The following GPR158 variants were observed in gnomAD, a reference collection of about 807,000 sequenced individuals.
GPR158 encodes the protein G protein-coupled receptor 158.
Under a neutral mutation model 78.2 loss-of-function variants are expected in GPR158, and 30 were observed. That is an observed-to-expected ratio of 0.38 (90% CI 0.29 to 0.52). The LOEUF (loss-of-function observed/expected upper bound fraction) is 0.52, where lower values mean the gene tolerates loss of function less well. Among genes scored for constraint, GPR158 ranks in the 20% least tolerant of loss-of-function variants. GPR158 has a pLI of 0.83. For missense variants in GPR158, 1,463 were observed against 1,523.5 expected (o/e 0.96, Z 0.66); for synonymous variants, 581 against 591.1 (o/e 0.98, Z 0.25).
chr10:25,572,317 T>G (rs1255547225), intron 6 of GPR158, among the ~76,000 whole-genome samples: 1 of 152,212 alleles, frequency 6.6e-6, no homozygotes, highest in Non-Finnish European at 1.5e-5. Flanking sequence ...ATACTGTTTC[T>G]GAATTTTCTC....
intron 2 of GPR158, among the ~76,000 whole-genome samples, chr10:25,280,388 A>T (rs1404339232): frequency 6.6e-6 from 1 of 152,204 alleles, no homozygotes; most frequent in Non-Finnish European, 1.5e-5. Flanking sequence ...GAGTCACTAT[A>T]TAAGCAAAGG....
rs1834768972 is a variant in GPR158, at chr10:25,422,831, TAC to T, written c.1335+10360_1335+10361del. On this transcript the variant is annotated intron_variant, in intron 4 of 10. Transcript: ENST00000376351. ...TGAGCAGTGTACACTGTACCTAATG[TAC>T]AGTCTTTTATTCCCTTACCCCCCCC... is the stretch of plus-strand genomic sequence containing the variant. Among the ~76,000 whole-genome samples the T allele has an allele frequency of 3.4e-5, 5 of 147,952 alleles. No homozygotes were observed. The Admixed American group carries it at 3.5e-4, about 10-fold the overall frequency.
At chr10:25,444,859 A>G (rs1835119751) in intron 4 of GPR158, among the ~76,000 whole-genome samples, 1 of 152,154 alleles carries the variant, frequency 6.6e-6, no homozygotes, top group African/African-American at 2.4e-5. Context: ...CATGTGATGT[A>G]TGCTTCTGAT....
intron 4 of GPR158, among the ~76,000 whole-genome samples, chr10:25,435,219 A>G (rs920499943): frequency 1.3e-5 from 2 of 152,210 alleles, no homozygotes; most frequent in Non-Finnish European, 2.9e-5. Flanking sequence ...GGTAGAGTTC[A>G]TAATCTTGTA....
At position 25,575,346 on chromosome 10, in the gene GPR158, T is replaced by C. The variant is rs927287966; in HGVS notation, c.1753+2459T>C. On this transcript the variant is annotated intron_variant, in intron 7 of 10. Coordinates refer to ENST00000376351, the MANE Select transcript of GPR158 (RefSeq NM_020752.3). ...GATGTATTTTGGTTTTTTTGTTTTT[T>C]TAAGTGAAATGCACCAAACTCACCA... Among the ~76,000 whole-genome samples, 4 of 152,170 alleles carry C rather than the reference T, an allele frequency of 2.6e-5. No homozygotes were observed. The South Asian group carries it at 6.2e-4, about 24-fold the overall frequency.
At chr10:25,236,746 T>C (rs1161148036) in intron 2 of GPR158, among the ~76,000 whole-genome samples, 2 of 152,164 alleles carry the variant, frequency 1.3e-5, no homozygotes, top group African/African-American at 2.4e-5. Context: ...AGGCAGAAGA[T>C]TGTTTTCTCC....
intron 6 of GPR158, among the ~76,000 whole-genome samples, chr10:25,567,636 A>T (rs1053086018): frequency 6.6e-6 from 1 of 152,194 alleles, no homozygotes; most frequent in African/African-American, 2.4e-5. Context: ...TAGATAGAGG[A>T]TAACTGCATG....
At chr10:25,196,384 A>G (rs1852844649) in intron 1 of GPR158, among the ~76,000 whole-genome samples, 1 of 151,882 alleles carries the variant, frequency 6.6e-6, no homozygotes, top group African/African-American at 2.4e-5. Flanking sequence ...CTCTTTGAGG[A>G]TCTTAATTTA....
In GPR158 at chr10:25,591,749, T is replaced by C. The variant is rs531131592; in HGVS notation, c.1893-2543T>C. 3.9e-5 allele frequency among the ~76,000 whole-genome samples: 6 copies of C among 152,266 alleles called. No individual in the cohort carries two copies. The South Asian group carries it at 1.0e-3, about 26-fold the overall frequency. On this transcript the variant is annotated intron_variant, in intron 8 of 10. Transcript: ENST00000376351. ...TAAATTCCAAATTTGACCCACTATA[T>C]CTTTCTGCCTAGATTGGATCAGACT...
chr10:25,204,602 C>T (rs528466794), intron 1 of GPR158, among the ~76,000 whole-genome samples: 1 of 152,184 alleles, frequency 6.6e-6, no homozygotes, highest in South Asian at 2.1e-4. Flanking sequence ...AGGGTTGAAG[C>T]CCACTTGATC....
intron 2 of GPR158, among the ~76,000 whole-genome samples, chr10:25,238,725 T>C (rs1416895171): frequency 6.6e-6 from 1 of 152,210 alleles, no homozygotes; most frequent in Non-Finnish European, 1.5e-5. Flanking sequence ...AAATGGGATT[T>C]GTTTCCATGC....
At chr10:25,574,988 A>G (rs2130734337) in intron 7 of GPR158, among the ~76,000 whole-genome samples, 2 of 151,592 alleles carry the variant, frequency 1.3e-5, no homozygotes, top group African/African-American at 4.8e-5. Flanking sequence ...AATTGCTTGA[A>G]CCTGGAAGGT....
At chr10:25,502,052 C>T (rs935796311) in intron 5 of GPR158, among the ~76,000 whole-genome samples, 2 of 152,280 alleles carry the variant, frequency 1.3e-5, no homozygotes, top group East Asian at 1.9e-4. Flanking sequence ...CTCCTGGGTG[C>T]TGCTAGAAAA....
chr10:25,544,877 G>A (rs549605246), intron 5 of GPR158, among the ~76,000 whole-genome samples: 1 of 152,028 alleles, frequency 6.6e-6, no homozygotes, highest in Non-Finnish European at 1.5e-5. Flanking sequence ...CCCCTGACAG[G>A]CCCTGGTGTA....
chr10:25,430,621 G>A (rs937002492), intron 4 of GPR158, among the ~76,000 whole-genome samples: 2 of 150,940 alleles, frequency 1.3e-5, no homozygotes, highest in East Asian at 3.9e-4. Flanking sequence ...ATACTACAAG[G>A]CTACAGTAAC....
intron 5 of GPR158, among the ~76,000 whole-genome samples, chr10:25,541,527 G>A (rs1182532514): frequency 2.6e-5 from 4 of 151,394 alleles, no homozygotes; most frequent in South Asian, 4.2e-4. Flanking sequence ...TTAATGTTGT[G>A]CCTTTCACAT....
chr10:25,596,533 C>G, intron 9 of GPR158, 110 bp from the exon 10 acceptor site: 1 of 694,392 alleles, frequency 1.4e-6, no homozygotes, highest in Non-Finnish European at 2.5e-6. Flanking sequence ...ATAGATAGAT[C>G]TAGGTATAGA....
chr10:25,552,635 A>G (rs1012067303), intron 6 of GPR158, among the ~76,000 whole-genome samples: 4 of 152,196 alleles, frequency 2.6e-5, no homozygotes, highest in African/African-American at 9.6e-5. Context: ...TGACTGACCC[A>G]TGGGACATGT....
In GPR158 at chr10:25,395,996, C is replaced by G; in HGVS notation, c.1094C>G (p.Pro365Arg). Residue 365 changes from proline (P) to arginine (R), a missense_variant, in exon 3 of 11, where the codon CCA (proline) becomes CGA (arginine). Coordinates refer to ENST00000376351, the MANE Select transcript of GPR158 (RefSeq NM_020752.3). The part of the protein sequence containing the change: ...KAGFYHPGVL[P>R]VNNFRRRGPD... ...GGATTCTATCATCCTGGAGTCTTACCAGTGAACAACTTTCGGAGTAAGTGC... is the reference window on the plus strand; with the variant it reads ...GGATTCTATCATCCTGGAGTCTTACGAGTGAACAACTTTCGGAGTAAGTGC... 6.3e-7 allele frequency: 1 copy of G among 1,580,524 alleles called. No individual in the cohort carries two copies. The highest frequency in any genetic ancestry group is 8.7e-7 in the Non-Finnish European group (1 of 1,149,646).
Sources: allele counts gnomAD v4.1 joint callset (sites outside exome capture counted in the v4.1 genomes callset), GRCh38; gene constraint gnomAD v4.1.1; transcripts MANE v1.5; gene names NCBI Gene and HGNC (gene_info 2026-07-23, HGNC 2026-07-21).